The following TMC1 variants were observed in gnomAD, a reference collection of about 807,000 sequenced individuals.
TMC1 encodes transmembrane channel like 1.
Under a neutral mutation model 105.8 loss-of-function variants are expected in TMC1, and 84 were observed. That is an observed-to-expected ratio of 0.79 (90% CI 0.67 to 0.95). The LOEUF is 0.95. TMC1 is among the 40% of genes least tolerant of loss of function. TMC1 has a pLI of 0.00. For synonymous variants in TMC1, 315 were observed against 311.5 expected, an observed-to-expected ratio of 1.01 and a Z score of -0.12; for missense variants, 817 against 914.1, an observed-to-expected ratio of 0.89 and a Z score of 1.37.
At chr9:72,739,526 T>C (rs1311166210) in intron 8 of TMC1, among the ~76,000 whole-genome samples, 1 of 152,262 alleles carries the variant, frequency 6.6e-6, no homozygotes, top group Non-Finnish European at 1.5e-5. Flanking sequence ...GGAGTAATGT[T>C]AAAGTTTACA....
intron 5 of TMC1, among the ~76,000 whole-genome samples, chr9:72,669,886 G>A (rs981615811): frequency 1.3e-5 from 2 of 152,130 alleles, no homozygotes; most frequent in East Asian, 1.9e-4. Flanking sequence ...AGACAACAAA[G>A]GATAATGACC....
chr9:72,822,514 TTGTGTGTGTGTGTGTGTG>T (rs368968408), intron 20 of TMC1, among the ~76,000 whole-genome samples: 25 of 135,864 alleles, frequency 1.8e-4, no homozygotes, highest in African/African-American at 3.6e-4. Flanking sequence ...GTTAATTCCG[TTGTGTGTGTGTGTGTGTG>T]TGTGTGTGTG....
At chr9:72,537,146 C>T (rs1409076047) in intron 1 of TMC1, among the ~76,000 whole-genome samples, 1 of 152,304 alleles carries the variant, frequency 6.6e-6, no homozygotes, top group Admixed American at 6.5e-5. Flanking sequence ...AGGATGCAGA[C>T]AGCAGCATCC....
intron 2 of TMC1, among the ~76,000 whole-genome samples, chr9:72,616,080 G>A (rs192111225): frequency 5.3e-5 from 8 of 152,264 alleles, no homozygotes. Context: ...AGGGATGAAA[G>A]TGGAAACTCC....
At chr9:72,733,987 T>C (rs1023933324) in intron 8 of TMC1, among the ~76,000 whole-genome samples, 2 of 152,166 alleles carry the variant, frequency 1.3e-5, no homozygotes, top group African/African-American at 4.8e-5. Flanking sequence ...GAATAAGGGT[T>C]ACTGGAACAT....
intron 5 of TMC1, chr9:72,656,125 G>A: frequency 1.5e-6 from 1 of 653,948 alleles, no homozygotes; most frequent in Admixed American, 1.8e-5. Context: ...GCTTGTTAGA[G>A]TGATTCGAAT....
At chr9:72,715,924 G>T (rs1000231566) in intron 8 of TMC1, among the ~76,000 whole-genome samples, 2 of 152,148 alleles carry the variant, frequency 1.3e-5, no homozygotes, top group African/African-American at 4.8e-5. Context: ...TTTGAAGTTG[G>T]TGACCTTCGG....
At chr9:72,731,670 C>A (rs1380338286) in intron 8 of TMC1, among the ~76,000 whole-genome samples, 1 of 152,192 alleles carries the variant, frequency 6.6e-6, no homozygotes, top group Non-Finnish European at 1.5e-5. Context: ...AGAATGAATT[C>A]TGCACTGCAG....
chr9:72,603,093 T>C (rs1458153470), intron 2 of TMC1, among the ~76,000 whole-genome samples: 1 of 152,146 alleles, frequency 6.6e-6, no homozygotes, highest in Non-Finnish European at 1.5e-5. Flanking sequence ...TGATAAATAT[T>C]TAAGGCATCT....
intron 13 of TMC1, among the ~76,000 whole-genome samples, chr9:72,787,071 G>T (rs1828179660): frequency 6.6e-6 from 1 of 150,424 alleles, no homozygotes; most frequent in Admixed American, 6.6e-5. Context: ...TGGTGTCCTA[G>T]CTTGAGCACT....
chr9:72,819,304 T>C (rs11788470), intron 19 of TMC1, among the ~76,000 whole-genome samples: 348 of 152,326 alleles, frequency 2.3e-3, no homozygotes, highest in Non-Finnish European at 4.1e-3. Context: ...AAACAAGTGA[T>C]GTCACCACCT....
intron 13 of TMC1, among the ~76,000 whole-genome samples, chr9:72,785,955 A>C (rs929248590): frequency 6.6e-6 from 1 of 152,116 alleles, no homozygotes; most frequent in Non-Finnish European, 1.5e-5. Flanking sequence ...ATTGTTTCCT[A>C]CCTGCCTCTC....
intron 5 of TMC1, among the ~76,000 whole-genome samples, chr9:72,663,064 T>C (rs1359470935): frequency 1.3e-5 from 2 of 152,244 alleles, no homozygotes; most frequent in East Asian, 3.8e-4. Context: ...ACTAGAGTTC[T>C]ATTACTGAAG....
intron 4 of TMC1, among the ~76,000 whole-genome samples, chr9:72,643,089 G>GT (rs1349229878): frequency 1.3e-5 from 2 of 151,988 alleles, no homozygotes; most frequent in African/African-American, 4.8e-5. Flanking sequence ...ATTTTCAAAG[G>GT]TTTTTTCCTT....
intron 1 of TMC1, among the ~76,000 whole-genome samples, chr9:72,548,890 G>A (rs1266731840): frequency 6.6e-6 from 1 of 152,190 alleles, no homozygotes; most frequent in South Asian, 2.1e-4. Context: ...TAAAGACGAT[G>A]TGCTGCTCCA....
intron 8 of TMC1, among the ~76,000 whole-genome samples, chr9:72,734,583 C>T (rs1157974022): frequency 1.3e-5 from 2 of 151,868 alleles, no homozygotes; most frequent in Non-Finnish European, 2.9e-5. Flanking sequence ...TTTGTACCTT[C>T]GAGTAGCTTC....
intron 1 of TMC1, among the ~76,000 whole-genome samples, chr9:72,555,973 C>CAAAAAAAAAAAAAAAAAAAAAA (rs59431883): frequency 4.7e-5 from 2 of 42,578 alleles, no homozygotes; most frequent in African/African-American, 1.9e-4. Flanking sequence ...ATGACTAAGG[C>CAAAAAAAAAAAAAAAAAAAAAA]AAAAAAAAAA....
intron 8 of TMC1, among the ~76,000 whole-genome samples, chr9:72,726,812 C>G (rs1171308220): frequency 1.3e-5 from 2 of 152,140 alleles, no homozygotes; most frequent in African/African-American, 4.8e-5. Context: ...TTTGAAAAAA[C>G]AGTTATAATG....
chr9:72,648,663 A>T lies in TMC1; in HGVS notation c.15A>T (p.Lys5Asn), dbSNP rs766655548. The T allele has an allele frequency of 9.3e-6, 15 of 1,612,830 alleles. No individual in the cohort carries two copies. In the Admixed American group the frequency reaches 2.5e-4, roughly 27 times the overall value. The change falls in exon 5 of 24, where the codon AAA becomes AAT. Residue 5 changes from lysine to asparagine, a missense_variant and splice_region_variant. Lys to Asn is a moderately conservative substitution (Grantham distance 94). Transcript: ENST00000297784. MSPK[K>N]VQIKVEEKED... is the part of the protein sequence containing the mutation. ...ACACCCCCAGGATGTCACCCAAAAAAGGTATTTACAAAATCAAGACTGTCT... is the reference window on the plus strand; with the variant it reads ...ACACCCCCAGGATGTCACCCAAAAATGGTATTTACAAAATCAAGACTGTCT...
Sources: allele counts gnomAD v4.1 joint callset (sites outside exome capture counted in the v4.1 genomes callset), GRCh38; gene constraint gnomAD v4.1.1; transcripts MANE v1.5; gene names NCBI Gene and HGNC (gene_info 2026-07-23, HGNC 2026-07-21).